Variants in BCAR3 observed in about 807,000 individuals in gnomAD.
BCAR3 encodes the protein BCAR3 adaptor protein, NSP family member.
Under a neutral mutation model 80.1 loss-of-function variants are expected in BCAR3, and 37 were observed. The observed-to-expected ratio is 0.46, with a 90% CI of 0.36 to 0.61. The LOEUF (loss-of-function observed/expected upper bound fraction) is 0.61. BCAR3 is among the 20% of genes least tolerant of loss of function. The pLI is 0.00. For missense variants in BCAR3, 978 were observed against 1,068.2 expected, an observed-to-expected ratio of 0.92 and a Z score of 1.18; for synonymous variants, 389 against 418.9, an observed-to-expected ratio of 0.93 and a Z score of 0.87.
chr1:93,813,915 C>T (rs1054953720), intron 2 of BCAR3, among the ~76,000 whole-genome samples: 12 of 152,172 alleles, frequency 7.9e-5, no homozygotes, highest in Admixed American at 4.6e-4. Context: ...AACAGTTCTG[C>T]CTTTCTTTGA....
chr1:93,591,391 CTTGA>C (rs1453496676), intron 4 of BCAR3, among the ~76,000 whole-genome samples: 1 of 152,026 alleles, frequency 6.6e-6, no homozygotes, highest in East Asian at 1.9e-4. Flanking sequence ...AGGAGAATCG[CTTGA>C]ACCCAGGAGG....
chr1:93,608,205 A>C (rs1162305531), intron 3 of BCAR3, among the ~76,000 whole-genome samples: 1 of 152,236 alleles, frequency 6.6e-6, no homozygotes, highest in African/African-American at 2.4e-5. Context: ...AAAATAGGCC[A>C]TAAGATTCTC....
intron 9 of BCAR3, among the ~76,000 whole-genome samples, chr1:93,568,620 A>G (rs1673070385): frequency 6.6e-6 from 1 of 152,328 alleles, no homozygotes; most frequent in African/African-American, 2.4e-5. Context: ...TAAAACTGGA[A>G]TTGACCTCCC....
At chr1:93,765,525 C>T (rs868425898) in intron 2 of BCAR3, among the ~76,000 whole-genome samples, 1 of 152,254 alleles carries the variant, frequency 6.6e-6, no homozygotes, top group Middle Eastern at 3.4e-3. Flanking sequence ...CCTGATGACT[C>T]TGTAGATACC....
At chr1:93,637,321 A>G (rs1425909774) in intron 3 of BCAR3, among the ~76,000 whole-genome samples, 2 of 151,774 alleles carry the variant, frequency 1.3e-5, no homozygotes, top group African/African-American at 2.4e-5. Flanking sequence ...TGCCCAGCTA[A>G]TTTTTGTATT....
intron 2 of BCAR3, among the ~76,000 whole-genome samples, chr1:93,663,216 G>C (rs1490112425): frequency 6.6e-6 from 1 of 152,148 alleles, no homozygotes; most frequent in African/African-American, 2.4e-5. Context: ...TGGTCTTATT[G>C]TTCCAAACAT....
intron 2 of BCAR3, among the ~76,000 whole-genome samples, chr1:93,771,298 A>G (rs1012101418): frequency 2.6e-5 from 4 of 152,162 alleles, no homozygotes; most frequent in Non-Finnish European, 5.9e-5. Context: ...ACCCTGTCAG[A>G]GTTGTGTTCT....
intron 3 of BCAR3, among the ~76,000 whole-genome samples, chr1:93,597,437 A>T (rs113801322): frequency 5.3e-5 from 8 of 152,342 alleles, no homozygotes; most frequent in African/African-American, 1.7e-4. Flanking sequence ...CTGATATCAA[A>T]AAGTGTTACA....
chr1:93,841,198 C>T (rs1231711900), intron 2 of BCAR3, among the ~76,000 whole-genome samples: 1 of 152,182 alleles, frequency 6.6e-6, no homozygotes, highest in Non-Finnish European at 1.5e-5. Context: ...ATCTTTGCCC[C>T]ACTGACTTTC....
intron 2 of BCAR3, among the ~76,000 whole-genome samples, chr1:93,749,216 C>G (rs974474010): frequency 1.3e-5 from 2 of 151,940 alleles, no homozygotes; most frequent in Admixed American, 1.3e-4. Flanking sequence ...TAATGAAGAA[C>G]ATACTTGGGT....
rs527777270 is a variant in BCAR3 at position 93,670,992 on chromosome 1, G to A, written c.317+3622C>T. Reference sequence around the variant, plus strand: ...CAATGAATGTTCAATTATAATAAAGGTTATTATTATTATTTTTTGAAATGG... The same window carrying A: ...CAATGAATGTTCAATTATAATAAAGATTATTATTATTATTTTTTGAAATGG... On this transcript the variant is annotated intron_variant, in intron 2 of 11. Transcript: ENST00000260502. Among the ~76,000 whole-genome samples the A allele has an allele frequency of 1.1e-3, 164 of 151,914 alleles. 2 individuals carry two copies. The highest frequency in any genetic ancestry group is 3.8e-3 in the African/African-American group (158 of 41,428).
chr1:93,562,463 A>G, intron 11 of BCAR3, 44 bp from the exon 12 acceptor site: 1 of 1,588,532 alleles, frequency 6.3e-7, no homozygotes, highest in Non-Finnish European at 8.6e-7. Context: ...GTTCTGCCTA[A>G]GATGTGTTAA....
chr1:93,567,864 T>C lies in BCAR3; in HGVS notation c.1975-13A>G. 1 of 1,603,188 alleles carries C rather than the reference T, an allele frequency of 6.2e-7. No individual in the cohort carries two copies. Among genetic ancestry groups the C allele is most frequent in the Non-Finnish European group, 8.5e-7 (1 of 1,170,162 alleles). The stretch of plus-strand genomic sequence containing the variant: ...CTAACCTTGTGATCTGGAAGAAAGG[T>C]GGTGTTTTGGAAAAGGTTCTTTTTA... On this transcript the variant is annotated splice_polypyrimidine_tract_variant and intron_variant, in intron 9 of 11. Coordinates refer to ENST00000260502, the MANE Select transcript of BCAR3 (RefSeq NM_003567.4).
intron 2 of BCAR3, among the ~76,000 whole-genome samples, chr1:93,824,821 T>G (rs1050579353): frequency 7.4e-6 from 1 of 134,400 alleles, no homozygotes; most frequent in African/African-American, 2.5e-5. Flanking sequence ...CATCAAAAAA[T>G]GCACTTAATT....
chr1:93,678,891 T>A (rs1179376066), intron 1 of BCAR3, among the ~76,000 whole-genome samples: 3 of 152,238 alleles, frequency 2.0e-5, no homozygotes, highest in Non-Finnish European at 2.9e-5. Context: ...TGACAGCTGA[T>A]GGAGACTAAA....
chr1:93,734,149 C>T (rs1337321291), intron 2 of BCAR3, among the ~76,000 whole-genome samples: 1 of 152,208 alleles, frequency 6.6e-6, no homozygotes, highest in South Asian at 2.1e-4. Context: ...TGTGCCTCAT[C>T]TAATCTATAT....
intron 2 of BCAR3, among the ~76,000 whole-genome samples, chr1:93,770,897 G>A (rs565868780): frequency 2.0e-5 from 3 of 152,184 alleles, no homozygotes; most frequent in African/African-American, 4.8e-5. Flanking sequence ...TGCAAGTGGT[G>A]TCATCTCTCA....
At chr1:93,729,268 C>T (rs1650701917) in intron 2 of BCAR3, among the ~76,000 whole-genome samples, 1 of 151,904 alleles carries the variant, frequency 6.6e-6, no homozygotes, top group African/African-American at 2.4e-5. Flanking sequence ...CTTAGCCTTG[C>T]CTCCCTTAAC....
Position 93,788,884 on chromosome 1 carries a change from T to C in BCAR3, c.-63+56683A>G, listed in dbSNP as rs541955201. ...TTTCCTTTCAGTAGTAGAAGGAATT[T>C]AGGCTACAAGAACTTAGGCTAAAAG... On this transcript the variant is annotated intron_variant, in intron 2 of 13. Transcript: ENST00000370244. Among the ~76,000 whole-genome samples, 39 of 152,300 alleles carry C rather than the reference T, an allele frequency of 2.6e-4. No homozygotes were observed. In the South Asian group the frequency reaches 7.5e-3, roughly 29 times the overall value.
Sources: allele counts gnomAD v4.1 joint callset (sites outside exome capture counted in the v4.1 genomes callset), GRCh38; gene constraint gnomAD v4.1.1; transcripts MANE v1.5; gene names NCBI Gene and HGNC (gene_info 2026-07-23, HGNC 2026-07-21).